Variants in WASF1 observed in about 807,000 individuals in gnomAD.
The protein encoded by WASF1 is WASP family member 1, also known as actin-binding protein WASF1.
WASF1 carries 7 observed loss-of-function variants against 50.5 expected under a neutral mutation model. The ratio of observed to expected loss-of-function variants is 0.14; its 90% CI spans 0.08 to 0.26. WASF1 has a LOEUF of 0.26. Ranked by LOEUF, WASF1 falls within the 10% of genes least tolerant of loss-of-function variation. WASF1 has a pLI of 1.00. For synonymous variants in WASF1, 205 were observed against 244.0 expected (o/e 0.84, Z 1.49); for missense variants, 470 against 694.7 (o/e 0.68, Z 3.64).
chr6:110,105,350 T>C, intron 8 of WASF1, 57 bp downstream of exon 8: 2 of 1,503,352 alleles, frequency 1.3e-6, no homozygotes. Flanking sequence ...GAAGTACAGA[T>C]ACTACAAATA....
Position 110,105,391 on chromosome 6 carries a change from A to C in WASF1, c.713+16T>G. On this transcript the variant is annotated intron_variant, in intron 8 of 10. Coordinates refer to ENST00000392589, the MANE Select transcript of WASF1 (RefSeq NM_003931.3). ...AATGTTTTATCATTTAAAAAAAAAAACAAAAGTAAAGAAACCTTGTTTCAA... is the reference window on the plus strand; with the variant it reads ...AATGTTTTATCATTTAAAAAAAAAACCAAAAGTAAAGAAACCTTGTTTCAA... 1 of 1,576,906 alleles carries C rather than the reference A, an allele frequency of 6.3e-7. No homozygotes were observed. Among genetic ancestry groups the C allele is most frequent in the Non-Finnish European group, 8.6e-7 (1 of 1,166,270 alleles).
intron 2 of WASF1, among the ~76,000 whole-genome samples, chr6:110,175,219 G>C (rs561432067): frequency 1.3e-5 from 2 of 152,072 alleles, no homozygotes; most frequent in Non-Finnish European, 2.9e-5. Context: ...GACTGGATAT[G>C]ATCTTTCTTC....
chr6:110,105,690 T>C (rs1486660034), intron 7 of WASF1, 111 bp from the exon 8 acceptor site: 1 of 1,010,678 alleles, frequency 9.9e-7, no homozygotes, highest in African/African-American at 1.6e-5. Context: ...GACAATGTCA[T>C]CATAATATAG....
At chr6:110,122,488 G>A (rs1774185306) in intron 4 of WASF1, among the ~76,000 whole-genome samples, 1 of 152,060 alleles carries the variant, frequency 6.6e-6, no homozygotes, top group Non-Finnish European at 1.5e-5. Context: ...TTACACCAGT[G>A]TGCCCACCTC....
intron 4 of WASF1, among the ~76,000 whole-genome samples, chr6:110,126,591 G>A (rs1774428347): frequency 6.6e-6 from 1 of 152,184 alleles, no homozygotes; most frequent in African/African-American, 2.4e-5. Flanking sequence ...CTGCTTATCA[G>A]GAGAATTTAT....
rs1195590873 is a variant in WASF1 at position 110,124,226 on chromosome 6, C to CT, written c.133+3242_133+3243insA. On this transcript the variant is annotated intron_variant, in intron 4 of 10. Transcript: ENST00000392589. ...CTCTCTCTCTCTCTCTCCTCTCTCT[C>CT]CTCTCTCTCCTCTCTCTCTCTCTCT... Among the ~76,000 whole-genome samples the CT allele has an allele frequency of 4.8e-3, 291 of 60,584 alleles. 13 individuals carry two copies. Among genetic ancestry groups the CT allele is most frequent in the African/African-American group, 0.011 (95 of 8,892 alleles). 39.7% of individuals were successfully genotyped at this position (60,584 alleles called of 152,430 possible).
chr6:110,169,785 T>C (rs1776623973), intron 2 of WASF1, among the ~76,000 whole-genome samples: 1 of 152,166 alleles, frequency 6.6e-6, no homozygotes, highest in African/African-American at 2.4e-5. Context: ...ATAATGAGAA[T>C]CATACTTCTT....
At chr6:110,144,565 T>A (rs1238987558) in intron 3 of WASF1, among the ~76,000 whole-genome samples, 2 of 152,224 alleles carry the variant, frequency 1.3e-5, no homozygotes, top group Non-Finnish European at 2.9e-5. Flanking sequence ...TGGATATGCC[T>A]AGGTTTTCTT....
At chr6:110,124,234 T>C (rs1421460558) in intron 4 of WASF1, among the ~76,000 whole-genome samples, 31 of 17,764 alleles carry the variant, frequency 1.7e-3, no homozygotes, top group African/African-American at 7.8e-3. Context: ...CTCCTCTCTC[T>C]CCTCTCTCTC....
chr6:110,101,856 A>G lies in WASF1; in HGVS notation c.1254T>C (p.Gly418=), dbSNP rs1420544798. ...ETVPVHPLPQ[G]EVQGLPPPPP... is the part of the protein sequence containing the mutation. ...GGGGTGGAGGCAGCCCCTGAACTTC[A>G]CCTTGTGGGAGTGGATGAACTGGTA... is the stretch of plus-strand genomic sequence containing the variant. Residue 418 remains glycine (G), a synonymous_variant, in exon 10 of 11, where the codon GGT becomes GGC. Transcript: ENST00000392589. 3.1e-6 allele frequency: 5 copies of G among 1,613,606 alleles called. No individual in the cohort carries two copies. The African/African-American group carries it at 5.3e-5, about 17-fold the overall frequency.
chr6:110,122,678 A>G (rs1774192091), intron 4 of WASF1, among the ~76,000 whole-genome samples: 1 of 152,218 alleles, frequency 6.6e-6, no homozygotes, highest in Non-Finnish European at 1.5e-5. Flanking sequence ...GGTTTTCTTA[A>G]TAACATATTC....
chr6:110,150,521 T>C (rs1775775971), intron 3 of WASF1, among the ~76,000 whole-genome samples: 1 of 152,226 alleles, frequency 6.6e-6, no homozygotes, highest in South Asian at 2.1e-4. Context: ...ATAGCCATAC[T>C]GGACAGGGTA....
chr6:110,174,051 C>T (rs936665482), intron 2 of WASF1, among the ~76,000 whole-genome samples: 4 of 152,128 alleles, frequency 2.6e-5, no homozygotes, highest in African/African-American at 4.8e-5. Context: ...TCCTTAACCT[C>T]GTTAAACCAA....
intron 4 of WASF1, among the ~76,000 whole-genome samples, chr6:110,118,528 A>T (rs1486372185): frequency 6.6e-6 from 1 of 152,126 alleles, no homozygotes; most frequent in Non-Finnish European, 1.5e-5. Context: ...ATACAGGAAC[A>T]CCCAGATTCA....
chr6:110,150,968 C>T (rs548498393), intron 3 of WASF1, among the ~76,000 whole-genome samples: 1 of 152,058 alleles, frequency 6.6e-6, no homozygotes, highest in Non-Finnish European at 1.5e-5. Context: ...ACCCAGGAGG[C>T]GAAGGTTGCA....
At chr6:110,101,111 A>G (rs1298206622) in intron 10 of WASF1, among the ~76,000 whole-genome samples, 1 of 152,222 alleles carries the variant, frequency 6.6e-6, no homozygotes, top group Admixed American at 6.5e-5. Context: ...GTCATTGCTT[A>G]GGAAATAATG....
chr6:110,113,573 A>G, intron 4 of WASF1, 113 bp from the exon 5 acceptor site: 2 of 948,480 alleles, frequency 2.1e-6, no homozygotes, highest in Non-Finnish European at 3.0e-6. Flanking sequence ...CTTTGTGATC[A>G]GAGATAAATA....
At chr6:110,135,048 AGT>A (rs1774883463) in intron 3 of WASF1, among the ~76,000 whole-genome samples, 1 of 152,082 alleles carries the variant, frequency 6.6e-6, no homozygotes, top group South Asian at 2.1e-4. Context: ...TTCTTTCAGC[AGT>A]GTTTTGTAGT....
chr6:110,136,377 T>C (rs1306923488), intron 3 of WASF1, among the ~76,000 whole-genome samples: 2 of 152,228 alleles, frequency 1.3e-5, no homozygotes, highest in African/African-American at 2.4e-5. Flanking sequence ...ATATACATTT[T>C]GTTATTGGTG....
Sources: allele counts gnomAD v4.1 joint callset (sites outside exome capture counted in the v4.1 genomes callset), GRCh38; gene constraint gnomAD v4.1.1; transcripts MANE v1.5; gene names NCBI Gene and HGNC (gene_info 2026-07-23, HGNC 2026-07-21).